NBEA: variants seen among roughly 807,000 people sequenced by gnomAD.
NBEA encodes the protein neurobeachin, also known as lysosomal-trafficking regulator 2.
In NBEA, 44 loss-of-function variants were observed where a neutral mutation model predicts 343.4. The observed-to-expected ratio is 0.13, with a 90% CI of 0.10 to 0.16. The LOEUF (loss-of-function observed/expected upper bound fraction) is 0.16. Among genes scored for constraint, NBEA ranks in the 10% least tolerant of loss-of-function variants. The pLI, the probability that NBEA is intolerant of heterozygous loss-of-function variation, is 1.00. For missense variants in NBEA, 2,555 were observed against 3,631.3 expected, an observed-to-expected ratio of 0.70 and a Z score of 7.62; for synonymous variants, 1,175 against 1,238.7, an observed-to-expected ratio of 0.95 and a Z score of 1.08.
intron 34 of NBEA, among the ~76,000 whole-genome samples, chr13:35,280,981 A>G (rs1195672707): frequency 1.3e-5 from 2 of 151,966 alleles, no homozygotes. Context: ...TCACATACTG[A>G]CTTCTTTATT....
intron 26 of NBEA, among the ~76,000 whole-genome samples, chr13:35,172,218 A>G (rs943041957): frequency 2.6e-5 from 4 of 152,026 alleles, no homozygotes; most frequent in Admixed American, 2.6e-4. Flanking sequence ...CAAGAAAGGA[A>G]CAAAGACTTG....
rs75145778 is a variant in NBEA, at chr13:35,439,189, G to A, written c.6304+6796G>A. Among the ~76,000 whole-genome samples, 617 of 152,238 alleles carry A rather than the reference G, an allele frequency of 4.1e-3. 4 individuals carry two copies. Among genetic ancestry groups the A allele is most frequent in the African/African-American group, 0.014 (585 of 41,522 alleles). Reference sequence around the variant, plus strand: ...CTAAAATATCCTACCACATACAGGAGAGCTCCCCACAACAATGACAACAGC... The same window carrying A: ...CTAAAATATCCTACCACATACAGGAAAGCTCCCCACAACAATGACAACAGC... On this transcript the variant is annotated intron_variant, in intron 39 of 58. Transcript: ENST00000379939.
intron 1 of NBEA, among the ~76,000 whole-genome samples, chr13:34,992,262 A>ATT (rs1261240105): frequency 0.014 from 1,546 of 114,280 alleles, 17 homozygotes; most frequent in East Asian, 0.034. Flanking sequence ...ATATATATAT[A>ATT]TTTTTTTTTT....
intron 47 of NBEA, among the ~76,000 whole-genome samples, chr13:35,599,681 G>C (rs1290804129): frequency 1.3e-5 from 2 of 152,234 alleles, no homozygotes; most frequent in Non-Finnish European, 2.9e-5. Flanking sequence ...AAACAAGCCA[G>C]GCCATATTCA....
In NBEA at chr13:35,090,650, A is replaced by C. The variant is rs183587354; in HGVS notation, c.1572-7647A>C. 2.8e-4 allele frequency among the ~76,000 whole-genome samples: 42 copies of C among 152,056 alleles called. 1 individual carries two copies. The Middle Eastern group carries it at 0.01, about 37-fold the overall frequency. ...AACTCTGTCTAATTAGTATGTTGAG[A>C]TCAAGATGTGGGGACTCAGAAGGAT... is the stretch of plus-strand genomic sequence containing the variant. On this transcript the variant is annotated intron_variant, in intron 10 of 58. Transcript: ENST00000379939.
At chr13:35,363,338 C>G (rs1033237578) in intron 38 of NBEA, among the ~76,000 whole-genome samples, 1 of 151,862 alleles carries the variant, frequency 6.6e-6, no homozygotes, top group Non-Finnish European at 1.5e-5. Flanking sequence ...ACATTAGTTT[C>G]TATACTAAGG....
chr13:34,964,207 G>T (rs1392695114), intron 1 of NBEA, among the ~76,000 whole-genome samples: 2 of 151,912 alleles, frequency 1.3e-5, no homozygotes, highest in Non-Finnish European at 2.9e-5. Flanking sequence ...AGCTTTTGTG[G>T]TAACTATCGT....
intron 41 of NBEA, among the ~76,000 whole-genome samples, chr13:35,513,955 T>G (rs1202350425): frequency 2.0e-5 from 3 of 152,158 alleles, no homozygotes; most frequent in East Asian, 3.8e-4. Context: ...TAACATATTC[T>G]TTGTCATGGA....
chr13:35,155,991 G>T, intron 19 of NBEA, 92 bp from the exon 20 acceptor site: 1 of 1,465,668 alleles, frequency 6.8e-7, no homozygotes, highest in South Asian at 1.3e-5. Flanking sequence ...ACCTTTTATA[G>T]TGTTAAGTAT....
chr13:35,661,417 A>G (rs2085084276), intron 55 of NBEA, among the ~76,000 whole-genome samples: 1 of 152,226 alleles, frequency 6.6e-6, no homozygotes, highest in African/African-American at 2.4e-5. Flanking sequence ...GTTAGAATGA[A>G]TGAATAAATA....
intron 39 of NBEA, among the ~76,000 whole-genome samples, chr13:35,433,181 G>C (rs1040636429): frequency 6.6e-6 from 1 of 151,974 alleles, no homozygotes; most frequent in African/African-American, 2.4e-5. Flanking sequence ...TGCTACTTTA[G>C]ATTGTTTTCT....
chr13:35,082,612 A>G (rs1289564444), intron 10 of NBEA, among the ~76,000 whole-genome samples: 2 of 152,162 alleles, frequency 1.3e-5, no homozygotes, highest in Admixed American at 6.6e-5. Flanking sequence ...TCGCCATTCT[A>G]ACTGGTATGA....
At chr13:35,464,684 A>G (rs757117171) in intron 40 of NBEA, among the ~76,000 whole-genome samples, 2 of 152,174 alleles carry the variant, frequency 1.3e-5, no homozygotes, top group Non-Finnish European at 2.9e-5. Context: ...TTATCTGTAA[A>G]ATGGAGATGA....
At chr13:35,025,702 C>A (rs74051214) in intron 1 of NBEA, among the ~76,000 whole-genome samples, 2 of 152,042 alleles carry the variant, frequency 1.3e-5, no homozygotes, top group Non-Finnish European at 2.9e-5. Flanking sequence ...ATCCTTTTAT[C>A]TCTCACTAGT....
intron 1 of NBEA, among the ~76,000 whole-genome samples, chr13:34,946,715 T>A (rs1566078445): frequency 6.6e-6 from 1 of 151,324 alleles, no homozygotes; most frequent in Non-Finnish European, 1.5e-5. Context: ...TTTTTTTTTT[T>A]ACATTCTAAG....
chr13:35,506,294 C>T (rs1416002103), intron 41 of NBEA, among the ~76,000 whole-genome samples: 2 of 152,118 alleles, frequency 1.3e-5, no homozygotes, highest in African/African-American at 2.4e-5. Flanking sequence ...GTCTTGAACT[C>T]GTGGCCTCAA....
chr13:35,668,376 C>T lies in NBEA; in HGVS notation c.8670C>T (p.Leu2890=). ...TTTTACCTTTTCTGAAGGCCATTCTCCTGAGCAGTGACGGCCAGAACCTGG... is the reference window on the plus strand; with the variant it reads ...TTTTACCTTTTCTGAAGGCCATTCTTCTGAGCAGTGACGGCCAGAACCTGG... ...MEINDSTRAI[L]LSSDGQNLVT... Residue 2890 remains leucine, a synonymous_variant, in exon 58 of 59, where the codon CTC becomes CTT. Transcript: ENST00000379939. 2.5e-6 allele frequency: 4 copies of T among 1,603,276 alleles called. No homozygotes were observed. The highest frequency in any genetic ancestry group is 3.4e-6 in the Non-Finnish European group (4 of 1,174,286).
intron 34 of NBEA, among the ~76,000 whole-genome samples, chr13:35,267,333 C>T (rs2152802100): frequency 2.0e-5 from 3 of 151,976 alleles, no homozygotes; most frequent in Admixed American, 2.0e-4. Flanking sequence ...AGTCTTTCCA[C>T]AATGTGTATA....
At chr13:35,633,016 GAAA>G (rs35343385) in intron 49 of NBEA, among the ~76,000 whole-genome samples, 2 of 117,374 alleles carry the variant, frequency 1.7e-5, no homozygotes, top group Non-Finnish European at 1.8e-5. Flanking sequence ...GTCTTATTTT[GAAA>G]AAAAAAAAAA....
Sources: allele counts gnomAD v4.1 joint callset (sites outside exome capture counted in the v4.1 genomes callset), GRCh38; gene constraint gnomAD v4.1.1; transcripts MANE v1.5; gene names NCBI Gene and HGNC (gene_info 2026-07-23, HGNC 2026-07-21).